Variants in PTK2 observed in about 807,000 individuals in gnomAD.
PTK2 encodes the protein protein tyrosine kinase 2.
PTK2 carries 45 observed loss-of-function variants against 150.1 expected under a neutral mutation model. The ratio of observed to expected loss-of-function variants is 0.30; its 90% CI spans 0.24 to 0.38. PTK2 has a LOEUF of 0.38. Among genes scored for constraint, PTK2 ranks in the 10% least tolerant of loss-of-function variants. The pLI is 1.00. For synonymous variants in PTK2, 432 were observed against 449.2 expected, an observed-to-expected ratio of 0.96 and a Z score of 0.48; for missense variants, 919 against 1,307.3, an observed-to-expected ratio of 0.70 and a Z score of 4.58.
chr8:140,996,876 G>C (rs547367733), intron 1 of PTK2, among the ~76,000 whole-genome samples: 1 of 152,168 alleles, frequency 6.6e-6, no homozygotes, highest in Non-Finnish European at 1.5e-5. Context: ...CATAGATTAA[G>C]AAGACATTTT....
At chr8:140,773,197 A>T (rs1043537864) in intron 14 of PTK2, among the ~76,000 whole-genome samples, 1 of 152,236 alleles carries the variant, frequency 6.6e-6, no homozygotes, top group Non-Finnish European at 1.5e-5. Flanking sequence ...ATTATCACAC[A>T]TCATAAAAAC....
chr8:140,845,378 T>A (rs1043388889), intron 7 of PTK2, among the ~76,000 whole-genome samples: 5 of 152,164 alleles, frequency 3.3e-5, no homozygotes, highest in African/African-American at 1.2e-4. Context: ...CTTTGCCTGA[T>A]GGTCCATGTT....
intron 2 of PTK2, among the ~76,000 whole-genome samples, chr8:140,902,959 T>G (rs1252866874): frequency 1.9e-5 from 2 of 105,552 alleles, no homozygotes; most frequent in African/African-American, 3.6e-5. Context: ...TTTTTTTTTT[T>G]GCCATGCAGA....
chr8:140,769,981 C>T (rs1019613570), intron 14 of PTK2, among the ~76,000 whole-genome samples: 2 of 152,134 alleles, frequency 1.3e-5, no homozygotes, highest in Admixed American at 6.6e-5. Flanking sequence ...GATAAAAATG[C>T]AAACAAACTA....
At chr8:140,819,770 A>C (rs1034359182) in intron 8 of PTK2, among the ~76,000 whole-genome samples, 2 of 152,226 alleles carry the variant, frequency 1.3e-5, no homozygotes. Context: ...AGATAAAGCA[A>C]CGATGCTTTT....
chr8:140,890,492 C>T lies in PTK2; in HGVS notation c.195+51G>A, dbSNP rs192053034. 1.2e-5 allele frequency: 18 copies of T among 1,469,120 alleles called. No individual in the cohort carries two copies. In the African/African-American group the frequency reaches 1.8e-4, roughly 15 times the overall value. The allele number at this position is 1,469,120 out of a possible 1,614,324, so 91.0% of individuals were successfully genotyped here. A position where few individuals can be genotyped will look rare whatever the true frequency, so the allele number is the denominator to read the frequency against. ...CTATCTTTTTTCATACATGCCATTA[C>T]ATTTTAACCTAAATAAACATTAAAG... is the stretch of plus-strand genomic sequence containing the variant. On this transcript the variant is annotated intron_variant, in intron 3 of 31. Transcript: ENST00000522684.
intron 1 of PTK2, among the ~76,000 whole-genome samples, chr8:140,975,305 G>T (rs1309755797): frequency 6.6e-6 from 1 of 152,102 alleles, no homozygotes; most frequent in Non-Finnish European, 1.5e-5. Flanking sequence ...TGTTCTTGCT[G>T]CCCTAGGATG....
Position 140,927,945 on chromosome 8 carries a change from AAAAAAAAAAAAAG to A in PTK2, c.-121-2209_-121-2197del, listed in dbSNP as rs1198543656. Among the ~76,000 whole-genome samples, 42 of 105,838 alleles carry A rather than the reference AAAAAAAAAAAAAG, an allele frequency of 4.0e-4. 1 individual carries two copies. In the East Asian group the frequency reaches 4.8e-3, roughly 12 times the overall value. 69.4% of individuals were successfully genotyped at this position (105,838 alleles called of 152,430 possible). A position where few individuals can be genotyped will look rare whatever the true frequency, so the allele number is the denominator to read the frequency against. On this transcript the variant is annotated intron_variant, in intron 1 of 31. Transcript: ENST00000522684. ...GCAAAACTCCATCTCAAAAAGAAAA[AAAAAAAAAAAAAG>A]AAAAAAAAAAAAAAAAAATATATAT... is the stretch of plus-strand genomic sequence containing the variant.
intron 16 of PTK2, among the ~76,000 whole-genome samples, chr8:140,754,452 A>G (rs1192683765): frequency 6.6e-6 from 1 of 152,208 alleles, no homozygotes; most frequent in Non-Finnish European, 1.5e-5. Flanking sequence ...GGCTGCAAGT[A>G]ACAGGTATAC....
intron 1 of PTK2, among the ~76,000 whole-genome samples, chr8:140,977,095 T>C (rs1440834731): frequency 6.6e-6 from 1 of 152,206 alleles, no homozygotes; most frequent in Non-Finnish European, 1.5e-5. Flanking sequence ...AATAGAACAA[T>C]AAATGCTTTA....
intron 2 of PTK2, among the ~76,000 whole-genome samples, chr8:140,905,301 A>G (rs958208998): frequency 1.8e-4 from 27 of 152,180 alleles, no homozygotes; most frequent in Non-Finnish European, 3.5e-4. Flanking sequence ...AAAGACACAC[A>G]CAGGCTCAAA....
At chr8:140,960,261 C>T (rs1268688914) in intron 1 of PTK2, among the ~76,000 whole-genome samples, 1 of 110,310 alleles carries the variant, frequency 9.1e-6, no homozygotes, top group Non-Finnish European at 1.7e-5. Context: ...CGCAATGGCA[C>T]GATCTCGGCT....
At chr8:140,669,339 A>G (rs1296787238) in intron 29 of PTK2, 1 of 119,972 alleles carries the variant, frequency 8.3e-6, no homozygotes, top group Non-Finnish European at 1.8e-5. Context: ...ATATATATAT[A>G]TACACTTTTT....
At chr8:140,945,903 A>G (rs1256882315) in intron 1 of PTK2, among the ~76,000 whole-genome samples, 2 of 152,182 alleles carry the variant, frequency 1.3e-5, no homozygotes, top group Non-Finnish European at 2.9e-5. Flanking sequence ...CCAAGAAGAC[A>G]TCATCTCCAT....
chr8:140,701,079 TA>T, intron 25 of PTK2, 57 bp from the exon 29 acceptor site: 1 of 1,524,194 alleles, frequency 6.6e-7, no homozygotes, highest in South Asian at 1.3e-5. Flanking sequence ...CCTATGCTCT[TA>T]CCTTGTTTTA....
intron 14 of PTK2, among the ~76,000 whole-genome samples, chr8:140,779,923 A>G (rs2100080710): frequency 6.6e-6 from 1 of 152,206 alleles, no homozygotes; most frequent in African/African-American, 2.4e-5. Flanking sequence ...CAGGTTTCCC[A>G]GTAATCATCC....
At chr8:140,949,572 G>A (rs757304727) in intron 1 of PTK2, among the ~76,000 whole-genome samples, 27 of 152,228 alleles carry the variant, frequency 1.8e-4, no homozygotes, top group Non-Finnish European at 3.5e-4. Context: ...TCACAACCTG[G>A]CCGAGTATGC....
rs540218143 is a variant in PTK2, at chr8:140,753,580, T to C, written c.1333-1264A>G. On this transcript the variant is annotated intron_variant, in intron 16 of 31. Transcript: ENST00000522684. The stretch of plus-strand genomic sequence containing the variant: ...AACATGAAGAGGTCAGGGACAAGAG[T>C]GGAAAATGTCAAAGGAGACTGAGAA... Among the ~76,000 whole-genome samples, 5 of 151,712 alleles carry C rather than the reference T, an allele frequency of 3.3e-5. No individual in the cohort carries two copies. The South Asian group carries it at 8.3e-4, about 25-fold the overall frequency.
At chr8:140,862,597 A>G (rs2100136889) in intron 5 of PTK2, among the ~76,000 whole-genome samples, 1 of 152,182 alleles carries the variant, frequency 6.6e-6, no homozygotes. Context: ...ATGGATCAGT[A>G]CCAGTTAGTA....
Sources: gnomAD v4.1 joint callset for allele counts (sites outside exome capture counted in the v4.1 genomes callset) on GRCh38, gnomAD v4.1.1 for gene constraint, MANE v1.5 for transcripts, NCBI Gene and HGNC (gene_info 2026-07-23, HGNC 2026-07-21) for gene names.